EXT2: variants seen among roughly 807,000 people sequenced by gnomAD.
The protein encoded by EXT2 is exostosin-2.
EXT2 carries 53 observed loss-of-function variants against 81.6 expected under a neutral mutation model. That is an observed-to-expected ratio of 0.65 (90% CI 0.52 to 0.82). EXT2 has a LOEUF of 0.82. EXT2 is among the 40% of genes least tolerant of loss of function. The probability of loss-of-function intolerance (pLI) is 0.00; values close to 1 mark genes in which losing one functional copy is unlikely to be tolerated. For missense variants in EXT2, 774 were observed against 910.2 expected (o/e 0.85, Z 1.93); for synonymous variants, 320 against 340.0 (o/e 0.94, Z 0.65).
intron 4 of EXT2, among the ~76,000 whole-genome samples, chr11:44,115,670 C>A (rs4237646): frequency 0.74 from 112,423 of 152,102 alleles, 41,792 homozygotes; most frequent in East Asian, 0.89. Context: ...TGCCTGGAGA[C>A]CATTAGAACC....
At chr11:44,199,439 G>A (rs1192655304) in intron 9 of EXT2, among the ~76,000 whole-genome samples, 6 of 152,232 alleles carry the variant, frequency 3.9e-5, no homozygotes, top group African/African-American at 1.4e-4. Flanking sequence ...GTTTGCAGAA[G>A]GAAGGCTGGG....
intron 7 of EXT2, among the ~76,000 whole-genome samples, chr11:44,161,964 G>A (rs1417052307): frequency 2.6e-5 from 4 of 152,222 alleles, no homozygotes; most frequent in South Asian, 4.1e-4. Context: ...GACAAGGAAA[G>A]ACTGAGAAAC....
intron 9 of EXT2, among the ~76,000 whole-genome samples, chr11:44,201,189 G>A (rs564979306): frequency 6.6e-6 from 1 of 152,326 alleles, no homozygotes; most frequent in Admixed American, 6.5e-5. Flanking sequence ...AAGGAAGAAA[G>A]ACCCCATTTA....
intron 1 of EXT2, chr11:44,104,920 A>G (rs906482091): frequency 5.9e-5 from 9 of 152,256 alleles, no homozygotes; most frequent in African/African-American, 1.9e-4. Flanking sequence ...ACTGATGTAT[A>G]TACTCCAAAG....
intron 7 of EXT2, among the ~76,000 whole-genome samples, chr11:44,169,829 A>AG (rs11436504): frequency 0.91 from 139,091 of 152,068 alleles, 63,705 homozygotes; most frequent in East Asian, 0.99. Context: ...TTTAGCTTTG[A>AG]TTTTTTGGAT....
At chr11:44,095,976 G>C in intron 1 of EXT2, 124 bp downstream of exon 1, 1 of 475,774 alleles carries the variant, frequency 2.1e-6, no homozygotes, top group Non-Finnish European at 3.9e-6. Flanking sequence ...CTCCGTGGAG[G>C]CCCGTGGGCT....
intron 7 of EXT2, among the ~76,000 whole-genome samples, chr11:44,140,063 A>G (rs896639532): frequency 2.0e-5 from 3 of 152,198 alleles, no homozygotes; most frequent in African/African-American, 7.2e-5. Flanking sequence ...GGTTAGGCAA[A>G]AGAGGGTTTT....
intron 7 of EXT2, among the ~76,000 whole-genome samples, chr11:44,135,417 A>T (rs1393582994): frequency 7.0e-6 from 1 of 142,744 alleles, no homozygotes; most frequent in Non-Finnish European, 1.5e-5. Flanking sequence ...TTTGAGACAG[A>T]GGCTCGTTGT....
At chr11:44,098,261 C>A (rs1953929569) in intron 1 of EXT2, among the ~76,000 whole-genome samples, 1 of 152,088 alleles carries the variant, frequency 6.6e-6, no homozygotes, top group Non-Finnish European at 1.5e-5. Flanking sequence ...TGTGCTTTGG[C>A]ATGTGAAAAC....
At chr11:44,123,776 C>CT (rs1324802852) in intron 4 of EXT2, among the ~76,000 whole-genome samples, 1 of 152,216 alleles carries the variant, frequency 6.6e-6, no homozygotes, top group Non-Finnish European at 1.5e-5. Flanking sequence ...TGTACCCTCT[C>CT]TGTCTTGTTT....
chr11:44,119,169 T>TATATATATATATATATACACACAC (rs1192115471), intron 4 of EXT2, among the ~76,000 whole-genome samples: 1 of 63,130 alleles, frequency 1.6e-5, no homozygotes, highest in African/African-American at 5.9e-5. Context: ...TATATATATA[T>TATATATATATATATATACACACAC]ACACATACAC....
Position 44,124,984 on chromosome 11 carries a change from G to A in EXT2, c.939G>A (p.Gln313=). ...HQVFDYPQVL[Q]EATFCVVLRG... ...TCTTCGATTACCCACAGGTGCTACA[G>A]GTGAGTGTCATTCATTACCTCTCGC... The change falls in exon 5 of 14, where the codon CAG becomes CAA. Residue 313 remains glutamine (Q), a splice_region_variant and synonymous_variant. Coordinates refer to ENST00000533608, the MANE Select transcript of EXT2 (RefSeq NM_207122.2). 1 of 1,612,368 alleles carries A rather than the reference G, an allele frequency of 6.2e-7. No homozygotes were observed.
chr11:44,173,224 T>A (rs989062558), intron 8 of EXT2, among the ~76,000 whole-genome samples: 2 of 152,168 alleles, frequency 1.3e-5, no homozygotes, highest in Non-Finnish European at 1.5e-5. Flanking sequence ...TGAGAGGAAG[T>A]CAGTATGTGC....
chr11:44,163,132 A>G (rs1002810056), intron 7 of EXT2, among the ~76,000 whole-genome samples: 1 of 152,186 alleles, frequency 6.6e-6, no homozygotes, highest in Non-Finnish European at 1.5e-5. Flanking sequence ...GGCATAGTAA[A>G]TGTCTTCAAA....
chr11:44,157,472 C>A (rs1954870633), intron 7 of EXT2, among the ~76,000 whole-genome samples: 1 of 152,220 alleles, frequency 6.6e-6, no homozygotes, highest in South Asian at 2.1e-4. Flanking sequence ...CTCTCCTTTC[C>A]ACATGTAGAA....
At chr11:44,179,002 T>C (rs926816009) in intron 8 of EXT2, among the ~76,000 whole-genome samples, 4 of 152,048 alleles carry the variant, frequency 2.6e-5, no homozygotes, top group African/African-American at 7.3e-5. Flanking sequence ...AGTCTCAGGA[T>C]GTCAGCAGCC....
chr11:44,122,095 T>G (rs1954326553), intron 4 of EXT2, among the ~76,000 whole-genome samples: 1 of 152,128 alleles, frequency 6.6e-6, no homozygotes, highest in Admixed American at 6.6e-5. Context: ...GGTAGAACAC[T>G]AGTTTTGTGC....
Position 44,135,579 on chromosome 11 carries a change from A to G in EXT2, c.1173+5441A>G, listed in dbSNP as rs139651202. ...GCTAATTTTGGTATTTTTAGTAGAG[A>G]TGGGGTTTTGCCATGTTGCCCAGGC... On this transcript the variant is annotated intron_variant, in intron 7 of 13. Transcript: ENST00000533608. Among the ~76,000 whole-genome samples the G allele has an allele frequency of 4.7e-3, 722 of 152,082 alleles. 5 individuals carry two copies. The highest frequency in any genetic ancestry group is 0.03 in the East Asian group (155 of 5,164).
chr11:44,097,347 T>G (rs777250703), intron 1 of EXT2, among the ~76,000 whole-genome samples: 6 of 152,240 alleles, frequency 3.9e-5, no homozygotes, highest in Admixed American at 3.3e-4. Context: ...AACATAACTT[T>G]AATTATAAAG....
Sources: gnomAD v4.1 joint callset for allele counts (sites outside exome capture counted in the v4.1 genomes callset) on GRCh38, gnomAD v4.1.1 for gene constraint, MANE v1.5 for transcripts, NCBI Gene and HGNC (gene_info 2026-07-23, HGNC 2026-07-21) for gene names.